The following CAMKMT variants were observed in gnomAD, a reference collection of about 807,000 sequenced individuals.
CAMKMT encodes the protein calmodulin-lysine N-methyltransferase, also known as CaM KMT.
In CAMKMT, 53 loss-of-function variants were observed where a neutral mutation model predicts 48.0. That is an observed-to-expected ratio of 1.10 (90% confidence interval 0.89 to 1.39). The LOEUF is 1.39. Among genes scored for constraint, CAMKMT ranks in the 40% most tolerant of loss-of-function variants. CAMKMT has a pLI of 0.00. For missense variants in CAMKMT, 428 were observed against 402.7 expected (o/e 1.06, Z -0.54); for synonymous variants, 165 against 152.3 (o/e 1.08, Z -0.61).
At chr2:44,403,047 T>G (rs954298275) in intron 3 of CAMKMT, among the ~76,000 whole-genome samples, 1 of 152,134 alleles carries the variant, frequency 6.6e-6, no homozygotes, top group African/African-American at 2.4e-5. Flanking sequence ...CCTTAAGAGT[T>G]GTGTACTACA....
At chr2:44,368,347 A>T (rs1156587352) in intron 1 of CAMKMT, among the ~76,000 whole-genome samples, 6 of 152,216 alleles carry the variant, frequency 3.9e-5, no homozygotes, top group African/African-American at 1.4e-4. Context: ...AATATTATTG[A>T]TGGCCTTAAA....
intron 3 of CAMKMT, among the ~76,000 whole-genome samples, chr2:44,474,520 G>T (rs698807): frequency 6.6e-6 from 1 of 151,726 alleles, no homozygotes; most frequent in South Asian, 2.1e-4. Context: ...GTAAGAGAGA[G>T]ATAAAGAGGG....
chr2:44,748,923 C>T (rs1053477397), intron 8 of CAMKMT, among the ~76,000 whole-genome samples: 1 of 152,088 alleles, frequency 6.6e-6, no homozygotes, highest in African/African-American at 2.4e-5. Flanking sequence ...ATTCCTTTCT[C>T]GTTAATTCTT....
chr2:44,482,787 A>G (rs1412386806), intron 3 of CAMKMT, among the ~76,000 whole-genome samples: 1 of 152,034 alleles, frequency 6.6e-6, no homozygotes, highest in Non-Finnish European at 1.5e-5. Flanking sequence ...GAGAATGATG[A>G]TTAGAAAGGT....
chr2:44,497,238 C>A (rs1400519021), intron 3 of CAMKMT, among the ~76,000 whole-genome samples: 2 of 152,080 alleles, frequency 1.3e-5, no homozygotes, highest in African/African-American at 2.4e-5. Flanking sequence ...CGCTGTTTCA[C>A]AAGAAATATT....
chr2:44,705,504 C>T (rs1309478256), intron 4 of CAMKMT: 14 of 985,184 alleles, frequency 1.4e-5, no homozygotes, highest in African/African-American at 7.0e-5. Context: ...GAATGTCACA[C>T]GTTAAGGGCT....
intron 2 of CAMKMT, among the ~76,000 whole-genome samples, chr2:44,386,006 G>T (rs1680747721): frequency 6.6e-6 from 1 of 151,914 alleles, no homozygotes; most frequent in Non-Finnish European, 1.5e-5. Context: ...ATTAGGGAGG[G>T]TTTCTTATTT....
intron 7 of CAMKMT, among the ~76,000 whole-genome samples, chr2:44,730,333 C>T (rs987051318): frequency 6.6e-6 from 1 of 152,216 alleles, no homozygotes; most frequent in African/African-American, 2.4e-5. Flanking sequence ...CTTGTCCAGT[C>T]CACAGTGATT....
intron 3 of CAMKMT, among the ~76,000 whole-genome samples, chr2:44,606,581 T>C (rs1319397189): frequency 6.6e-6 from 1 of 152,174 alleles, no homozygotes; most frequent in East Asian, 1.9e-4. Context: ...AAACTAAATA[T>C]ATCCAGCTTT....
chr2:44,707,201 G>A lies in CAMKMT; in HGVS notation c.493-198G>A, dbSNP rs1302476216. 3.9e-5 allele frequency among the ~76,000 whole-genome samples: 6 copies of A among 151,928 alleles called. No homozygotes were observed. In the East Asian group the frequency reaches 5.8e-4, roughly 15 times the overall value. On this transcript the variant is annotated intron_variant, in intron 5 of 10. Transcript: ENST00000378494. Reference sequence around the variant, plus strand: ...GAATGATAGCAAGATAGAGGCTCCCGCAAATGGAATGATAAAAGTATTGAC... The same window carrying A: ...GAATGATAGCAAGATAGAGGCTCCCACAAATGGAATGATAAAAGTATTGAC...
chr2:44,475,900 T>C (rs1194985706), intron 3 of CAMKMT, among the ~76,000 whole-genome samples: 1 of 152,220 alleles, frequency 6.6e-6, no homozygotes, highest in Non-Finnish European at 1.5e-5. Flanking sequence ...AACCATCTGC[T>C]CACCTACTTA....
At chr2:44,587,920 C>T (rs1264140172) in intron 3 of CAMKMT, among the ~76,000 whole-genome samples, 3 of 105,390 alleles carry the variant, frequency 2.8e-5, no homozygotes, top group African/African-American at 1.0e-4. Flanking sequence ...AAGTGAGGAG[C>T]GTCTCTGCCT....
intron 3 of CAMKMT, among the ~76,000 whole-genome samples, chr2:44,462,752 T>C (rs998731888): frequency 1.1e-4 from 17 of 152,334 alleles, no homozygotes; most frequent in African/African-American, 7.2e-5. Context: ...AATAGAAATA[T>C]AATTCAGGTC....
chr2:44,452,110 A>G (rs773453038), intron 3 of CAMKMT, among the ~76,000 whole-genome samples: 9 of 151,932 alleles, frequency 5.9e-5, no homozygotes, highest in Non-Finnish European at 1.2e-4. Context: ...CTTAGGCATT[A>G]TTTAAACTGA....
intron 3 of CAMKMT, among the ~76,000 whole-genome samples, chr2:44,664,547 A>G (rs964665057): frequency 6.6e-6 from 1 of 152,248 alleles, no homozygotes; most frequent in Admixed American, 6.5e-5. Context: ...ATTTAGTCAC[A>G]TGACATTTAC....
At chr2:44,407,328 G>A (rs1682854838) in intron 3 of CAMKMT, among the ~76,000 whole-genome samples, 1 of 152,180 alleles carries the variant, frequency 6.6e-6, no homozygotes, top group Non-Finnish European at 1.5e-5. Flanking sequence ...CAAGGCTTGT[G>A]GTAGGGCCTG....
chr2:44,576,582 G>A (rs891917804), intron 3 of CAMKMT, among the ~76,000 whole-genome samples: 1 of 152,170 alleles, frequency 6.6e-6, no homozygotes, highest in Admixed American at 6.5e-5. Flanking sequence ...AGGGTCCAGC[G>A]TGAATGTGAT....
At chr2:44,369,233 C>A (rs1678922994) in intron 1 of CAMKMT, among the ~76,000 whole-genome samples, 1 of 152,056 alleles carries the variant, frequency 6.6e-6, no homozygotes, top group Non-Finnish European at 1.5e-5. Context: ...ATAAAGAAAA[C>A]CTTCAAAGAG....
chr2:44,547,893 A>T (rs1291403908), intron 3 of CAMKMT, among the ~76,000 whole-genome samples: 2 of 152,158 alleles, frequency 1.3e-5, no homozygotes, highest in Non-Finnish European at 2.9e-5. Flanking sequence ...GTGGAAAGGG[A>T]TCATCAAGAC....
Sources: gnomAD v4.1 joint callset for allele counts (sites outside exome capture counted in the v4.1 genomes callset) on GRCh38, gnomAD v4.1.1 for gene constraint, MANE v1.5 for transcripts, NCBI Gene and HGNC (gene_info 2026-07-23, HGNC 2026-07-21) for gene names.